ROBO2: variants seen among roughly 807,000 people sequenced by gnomAD.
ROBO2 encodes the protein roundabout guidance receptor 2, also known as roundabout homolog 2.
A neutral mutation model predicts 160.8 loss-of-function variants in ROBO2; 53 were observed. The ratio of observed to expected loss-of-function variants is 0.33; its 90% CI spans 0.26 to 0.41. ROBO2 has a LOEUF of 0.41. Among genes scored for constraint, ROBO2 ranks in the 10% least tolerant of loss-of-function variants. ROBO2 has a pLI of 1.00. For synonymous variants in ROBO2, 664 were observed against 611.7 expected (o/e 1.09, Z -1.26); for missense variants, 1,577 against 1,722.4 (o/e 0.92, Z 1.49).
At chr3:77,162,937 G>T (rs1218739403) in intron 2 of ROBO2, among the ~76,000 whole-genome samples, 1 of 151,732 alleles carries the variant, frequency 6.6e-6, no homozygotes, top group African/African-American at 2.4e-5. Context: ...TCAAGCAATT[G>T]TCCTGACTCA....
At chr3:76,820,511 A>G (rs2066030133) in intron 2 of ROBO2, among the ~76,000 whole-genome samples, 1 of 152,040 alleles carries the variant, frequency 6.6e-6, no homozygotes, top group Non-Finnish European at 1.5e-5. Context: ...GGTAGGGCCA[A>G]TAAAGAGGAA....
In ROBO2 at chr3:76,747,704, A is replaced by G. The variant is rs190515323; in HGVS notation, c.110-350310A>G. ...AATTTTACTATTAATGAGCTAAAAC[A>G]TGACTAAATCCCAGTAAATTTTTAA... is the stretch of plus-strand genomic sequence containing the variant. On this transcript the variant is annotated intron_variant, in intron 2 of 26. Transcript: ENST00000487694. Among the ~76,000 whole-genome samples the G allele has an allele frequency of 2.0e-5, 3 of 152,076 alleles. No homozygotes were observed. The East Asian group carries it at 5.8e-4, about 29-fold the overall frequency.
intron 1 of ROBO2, among the ~76,000 whole-genome samples, chr3:77,068,526 C>T: frequency 6.6e-6 from 1 of 152,032 alleles, no homozygotes; most frequent in East Asian, 1.9e-4. Context: ...TTATCTCTGC[C>T]TAACTCTTAT....
chr3:77,372,879 C>G (rs1166499725), intron 2 of ROBO2, among the ~76,000 whole-genome samples: 2 of 151,792 alleles, frequency 1.3e-5, no homozygotes, highest in Non-Finnish European at 2.9e-5. Context: ...ATAATACCTA[C>G]CCCCTTATTT....
At chr3:76,142,961 T>TAAA (rs989992736) in intron 2 of ROBO2, among the ~76,000 whole-genome samples, 3 of 151,948 alleles carry the variant, frequency 2.0e-5, no homozygotes, top group African/African-American at 7.2e-5. Context: ...AAAATAAAAA[T>TAAA]AAATAGTGGT....
At chr3:76,978,955 AAAAG>A (rs1177556214) in intron 2 of ROBO2, among the ~76,000 whole-genome samples, 1 of 151,312 alleles carries the variant, frequency 6.6e-6, no homozygotes, top group Admixed American at 6.6e-5. Context: ...AAAAAAAAAA[AAAAG>A]AAAAACAGGG....
intron 2 of ROBO2, among the ~76,000 whole-genome samples, chr3:76,714,339 A>G (rs264543): frequency 0.37 from 56,309 of 152,018 alleles, 11,551 homozygotes; most frequent in Non-Finnish European, 0.47. Flanking sequence ...AAAGTAGATA[A>G]TTACAGCTCA....
intron 2 of ROBO2, among the ~76,000 whole-genome samples, chr3:75,959,367 A>G (rs975725841): frequency 1.3e-5 from 2 of 151,752 alleles, no homozygotes; most frequent in Non-Finnish European, 2.9e-5. Flanking sequence ...ATGAGATATT[A>G]TTAGGCATTA....
intron 2 of ROBO2, among the ~76,000 whole-genome samples, chr3:76,978,489 G>T (rs918424992): frequency 6.6e-6 from 1 of 152,004 alleles, no homozygotes; most frequent in Non-Finnish European, 1.5e-5. Flanking sequence ...GAATAAATGC[G>T]ATGGATTCTT....
chr3:76,817,662 T>G (rs113636724), intron 2 of ROBO2, among the ~76,000 whole-genome samples: 12,610 of 151,960 alleles, frequency 0.083, 716 homozygotes, highest in South Asian at 0.13. Flanking sequence ...CCCTTCCCCC[T>G]GAGTCCCCAA....
At chr3:77,105,161 T>G (rs1241731649) in intron 2 of ROBO2, among the ~76,000 whole-genome samples, 1 of 152,232 alleles carries the variant, frequency 6.6e-6, no homozygotes, top group Non-Finnish European at 1.5e-5. Flanking sequence ...ACAATTATAC[T>G]AGAAGTCAGT....
intron 2 of ROBO2, among the ~76,000 whole-genome samples, chr3:77,106,272 G>A (rs895133007): frequency 4.6e-5 from 7 of 152,010 alleles, no homozygotes. Flanking sequence ...TGAACTCTTG[G>A]CCTCAAGCAA....
intron 2 of ROBO2, among the ~76,000 whole-genome samples, chr3:76,633,875 C>T (rs2090167333): frequency 6.8e-6 from 1 of 147,898 alleles, no homozygotes; most frequent in African/African-American, 2.5e-5. Context: ...CTTCTAACTA[C>T]TATGCCTCAC....
intron 1 of ROBO2, among the ~76,000 whole-genome samples, chr3:75,935,664 C>CTT (rs1947741625): frequency 2.6e-5 from 4 of 152,044 alleles, no homozygotes; most frequent in African/African-American, 9.7e-5. Flanking sequence ...ATTCTGTTGC[C>CTT]TTATGCTCTA....
chr3:76,445,701 G>T (rs1181153911), intron 2 of ROBO2, among the ~76,000 whole-genome samples: 1 of 151,982 alleles, frequency 6.6e-6, no homozygotes, highest in Non-Finnish European at 1.5e-5. Context: ...ATGATCAAGT[G>T]GGCTTCATCC....
At chr3:76,368,689 C>T (rs74692415) in intron 2 of ROBO2, among the ~76,000 whole-genome samples, 5 of 151,860 alleles carry the variant, frequency 3.3e-5, no homozygotes, top group African/African-American at 2.4e-5. Context: ...GAAAATAGCA[C>T]GATTTCTCTT....
intron 2 of ROBO2, among the ~76,000 whole-genome samples, chr3:76,195,292 A>G (rs1267867351): frequency 6.6e-6 from 1 of 152,160 alleles, no homozygotes; most frequent in Non-Finnish European, 1.5e-5. Flanking sequence ...TAGTTAAGCC[A>G]TTATAAAATT....
At chr3:76,398,482 A>G (rs987487584) in intron 2 of ROBO2, among the ~76,000 whole-genome samples, 1 of 151,908 alleles carries the variant, frequency 6.6e-6, no homozygotes, top group South Asian at 2.1e-4. Context: ...TAATAATAAT[A>G]AAAGAAAAGA....
At chr3:76,476,865 A>G (rs1560011944) in intron 2 of ROBO2, among the ~76,000 whole-genome samples, 1 of 152,174 alleles carries the variant, frequency 6.6e-6, no homozygotes, top group Admixed American at 6.5e-5. Flanking sequence ...TTTATAGAAC[A>G]TGTCTGGAGG....
Sources: gnomAD v4.1 joint callset for allele counts (sites outside exome capture counted in the v4.1 genomes callset) on GRCh38, gnomAD v4.1.1 for gene constraint, MANE v1.5 for transcripts, NCBI Gene and HGNC (gene_info 2026-07-23, HGNC 2026-07-21) for gene names.